Variants in SHC4 observed in about 807,000 individuals in gnomAD.
SHC4 encodes SHC-transforming protein 4.
Under a neutral mutation model 69.4 loss-of-function variants are expected in SHC4, and 41 were observed. The ratio of observed to expected loss-of-function variants is 0.59; its 90% CI spans 0.46 to 0.77. The LOEUF (loss-of-function observed/expected upper bound fraction) is 0.77, where lower values mean the gene tolerates loss of function less well. Ranked by LOEUF, SHC4 falls within the 30% of genes least tolerant of loss-of-function variation. The pLI, the probability that SHC4 is intolerant of heterozygous loss-of-function variation, is 0.00. For synonymous variants in SHC4, 318 were observed against 299.3 expected, an observed-to-expected ratio of 1.06 and a Z score of -0.64; for missense variants, 777 against 783.8, an observed-to-expected ratio of 0.99 and a Z score of 0.10.
chr15:48,871,084 G>A (rs1567057662), intron 5 of SHC4, among the ~76,000 whole-genome samples: 1 of 152,102 alleles, frequency 6.6e-6, no homozygotes, highest in African/African-American at 2.4e-5. Context: ...TCAATTACAG[G>A]TGAAAACTAA....
chr15:48,959,563 C>T (rs1284666251), intron 1 of SHC4, among the ~76,000 whole-genome samples: 2 of 152,170 alleles, frequency 1.3e-5, no homozygotes, highest in Non-Finnish European at 2.9e-5. Context: ...GGCTTTTTTC[C>T]TGTAAACTTT....
intron 10 of SHC4, among the ~76,000 whole-genome samples, chr15:48,839,816 T>C (rs1302677891): frequency 6.6e-6 from 1 of 152,246 alleles, no homozygotes; most frequent in Admixed American, 6.5e-5. Context: ...ATGTTCTATG[T>C]GAAAAGAAAA....
At chr15:48,925,208 A>C (rs991972701) in intron 1 of SHC4, among the ~76,000 whole-genome samples, 6 of 152,226 alleles carry the variant, frequency 3.9e-5, no homozygotes, top group African/African-American at 1.2e-4. Flanking sequence ...TTCAGTGGTT[A>C]AGATCATGGG....
chr15:48,867,669 T>C (rs1157170523), intron 6 of SHC4, 149 bp downstream of exon 6: 1 of 603,998 alleles, frequency 1.7e-6, no homozygotes, highest in East Asian at 2.9e-5. Flanking sequence ...GGGCAATTTA[T>C]TTCCAACTCA....
intron 1 of SHC4, among the ~76,000 whole-genome samples, chr15:48,949,179 G>A (rs1447104961): frequency 6.6e-6 from 1 of 151,768 alleles, no homozygotes; most frequent in African/African-American, 2.4e-5. Context: ...AGACCATCCT[G>A]GCTAACACGG....
At chr15:48,927,994 C>T (rs1333628470) in intron 1 of SHC4, among the ~76,000 whole-genome samples, 3 of 152,110 alleles carry the variant, frequency 2.0e-5, no homozygotes, top group Admixed American at 6.6e-5. Flanking sequence ...GGTGGGCACT[C>T]GATAAACACT....
chr15:48,833,908 AG>A (rs1898854003), intron 11 of SHC4, among the ~76,000 whole-genome samples: 1 of 152,180 alleles, frequency 6.6e-6, no homozygotes. Flanking sequence ...AAACTTTTGA[AG>A]TGAATTCTGT....
chr15:48,934,164 A>G (rs1901024464), intron 1 of SHC4, among the ~76,000 whole-genome samples: 2 of 152,188 alleles, frequency 1.3e-5, no homozygotes. Flanking sequence ...AGAATGGGAG[A>G]AAATATTTGC....
In SHC4 at chr15:48,843,422, T is replaced by C; in HGVS notation, c.1470A>G (p.Pro490=). ...GTAGCTACTTACTTCCGCAGTGCCATGGGCTCCCCAGTGGTTGGGCTGACC... is the reference window on the plus strand; with the variant it reads ...GTAGCTACTTACTTCCGCAGTGCCACGGGCTCCCCAGTGGTTGGGCTGACC... ...NQRSAQPLGS[P]WHCGKAPETV... The change falls in exon 10 of 12, where the codon CCA becomes CCG. Residue 490 remains proline, a synonymous_variant. Transcript: ENST00000332408. The C allele has an allele frequency of 6.2e-7, 1 of 1,612,644 alleles. No homozygotes were observed. Among genetic ancestry groups the C allele is most frequent in the Non-Finnish European group, 8.5e-7 (1 of 1,178,962 alleles).
At chr15:48,870,933 C>G (rs1180066463) in intron 5 of SHC4, among the ~76,000 whole-genome samples, 2 of 152,174 alleles carry the variant, frequency 1.3e-5, no homozygotes, top group Non-Finnish European at 2.9e-5. Context: ...TATTTCTCCC[C>G]CATTGAATAT....
chr15:48,847,749 T>A (rs529454804), intron 9 of SHC4, among the ~76,000 whole-genome samples: 1 of 152,110 alleles, frequency 6.6e-6, no homozygotes, highest in Admixed American at 6.5e-5. Context: ...ACGCCTGTAA[T>A]CCCAGCACTT....
chr15:48,826,819 C>T (rs1337799720), intron 11 of SHC4, among the ~76,000 whole-genome samples: 4 of 152,184 alleles, frequency 2.6e-5, no homozygotes, highest in African/African-American at 4.8e-5. Flanking sequence ...GTCCTACCTC[C>T]TATCTCTCTT....
intron 4 of SHC4, chr15:48,879,398 TC>T (rs1484353267): frequency 1.8e-5 from 3 of 167,096 alleles, no homozygotes; most frequent in African/African-American, 7.2e-5. Flanking sequence ...GATCTATAAA[TC>T]AAGAAAATCC....
At chr15:48,859,303 A>AGG (rs200552834) in intron 6 of SHC4, among the ~76,000 whole-genome samples, 5 of 109,370 alleles carry the variant, frequency 4.6e-5, no homozygotes, top group South Asian at 3.7e-4. Flanking sequence ...CACATTTGAA[A>AGG]GGGGTGTGTG....
intron 2 of SHC4, among the ~76,000 whole-genome samples, chr15:48,911,817 T>G (rs1439708809): frequency 1.3e-5 from 2 of 152,200 alleles, no homozygotes; most frequent in Non-Finnish European, 2.9e-5. Flanking sequence ...TCAGCATTTG[T>G]TCGTCTGAAA....
At position 48,834,991 on chromosome 15, in the gene SHC4, T is replaced by C; in HGVS notation, c.1515A>G (p.Thr505=). The part of the protein sequence containing the change: ...KAPETVQPGA[T]AQPASSHSLP... ...AAGAATGTGAGCTGGCAGGCTGGGC[T>C]GTGGCACCCGGCTGAACAGTTTCTG... The change falls in exon 11 of 12, where the codon ACA becomes ACG. Residue 505 remains threonine, a synonymous_variant. Coordinates refer to ENST00000332408, the MANE Select transcript of SHC4 (RefSeq NM_203349.4). 3 of 1,612,706 alleles carry C rather than the reference T, an allele frequency of 1.9e-6. No individual in the cohort carries two copies. Among genetic ancestry groups the C allele is most frequent in the Non-Finnish European group, 2.5e-6 (3 of 1,179,386 alleles).
intron 5 of SHC4, among the ~76,000 whole-genome samples, chr15:48,871,663 T>A (rs1339158404): frequency 6.6e-6 from 1 of 152,172 alleles, no homozygotes; most frequent in Non-Finnish European, 1.5e-5. Flanking sequence ...AGATTAGACT[T>A]AGTTGACTTG....
At chr15:48,945,979 C>CAT (rs1240546616) in intron 1 of SHC4, 2 of 152,074 alleles carry the variant, frequency 1.3e-5, no homozygotes, top group African/African-American at 4.8e-5. Context: ...GAGAAGGAAG[C>CAT]ATATAATCTT....
chr15:48,829,602 C>T (rs1898756829), intron 11 of SHC4, among the ~76,000 whole-genome samples: 2 of 152,158 alleles, frequency 1.3e-5, no homozygotes, highest in South Asian at 4.1e-4. Context: ...CTTTCACTTT[C>T]AACCTACGTG....
Sources: gnomAD v4.1 joint callset for allele counts (sites outside exome capture counted in the v4.1 genomes callset) on GRCh38, gnomAD v4.1.1 for gene constraint, MANE v1.5 for transcripts, NCBI Gene and HGNC (gene_info 2026-07-23, HGNC 2026-07-21) for gene names.